The following ASCC3 variants were observed in gnomAD, a reference collection of about 807,000 sequenced individuals.
ASCC3 encodes the protein ASC-1 complex subunit P200.
Under a neutral mutation model 256.3 loss-of-function variants are expected in ASCC3, and 158 were observed. The observed-to-expected ratio is 0.62, with a 90% CI of 0.54 to 0.70. ASCC3 has a LOEUF of 0.70. ASCC3 is among the 30% of genes least tolerant of loss of function. The pLI is 0.00. For synonymous variants in ASCC3, 948 were observed against 883.4 expected (o/e 1.07, Z -1.30); for missense variants, 2,259 against 2,626.0 (o/e 0.86, Z 3.05).
At chr6:100,732,706 A>T (rs1025074083) in intron 10 of ASCC3, among the ~76,000 whole-genome samples, 1 of 152,068 alleles carries the variant, frequency 6.6e-6, no homozygotes, top group Non-Finnish European at 1.5e-5. Flanking sequence ...TTGAGAAAAT[A>T]TAGCAAAACA....
At chr6:100,870,479 T>A (rs1358762826) in intron 1 of ASCC3, among the ~76,000 whole-genome samples, 1 of 152,140 alleles carries the variant, frequency 6.6e-6, no homozygotes, top group African/African-American at 2.4e-5. Flanking sequence ...GGTGACCAAA[T>A]CTGTTTACTG....
At chr6:100,618,418 T>C (rs943726937) in intron 30 of ASCC3, among the ~76,000 whole-genome samples, 2 of 152,110 alleles carry the variant, frequency 1.3e-5, no homozygotes, top group South Asian at 4.2e-4. Context: ...TTCACGAAGA[T>C]TCGTGACAAA....
chr6:100,734,233 T>C (rs969848020), intron 10 of ASCC3, among the ~76,000 whole-genome samples: 8 of 152,182 alleles, frequency 5.3e-5, no homozygotes, highest in Admixed American at 1.3e-4. Flanking sequence ...ATTTGATGCA[T>C]ATGCATATTG....
At chr6:100,708,274 C>T (rs1778696576) in intron 13 of ASCC3, among the ~76,000 whole-genome samples, 1 of 152,052 alleles carries the variant, frequency 6.6e-6, no homozygotes, top group Admixed American at 6.6e-5. Flanking sequence ...GACAATGCTT[C>T]TTTAATTTAT....
rs1305315395 is a variant in ASCC3 at position 100,687,032 on chromosome 6, T to TCA, written c.2152-7281_2152-7280insTG. Among the ~76,000 whole-genome samples the TCA allele has an allele frequency of 3.3e-4, 43 of 132,186 alleles. 1 individual carries two copies. In the East Asian group the frequency reaches 5.8e-3, roughly 18 times the overall value. 86.7% of individuals were successfully genotyped at this position (132,186 alleles called of 152,430 possible). On this transcript the variant is annotated intron_variant, in intron 13 of 41. Transcript: ENST00000369162. The stretch of plus-strand genomic sequence containing the variant: ...TTAAATCTCTCTCTCTCTCTCTCTC[T>TCA]CTCACACACACACACACACACACAC...
rs762648057 is a variant in ASCC3 at position 100,629,194 on chromosome 6, A to G, written c.4209-13T>C. 2 of 1,611,494 alleles carry G rather than the reference A, an allele frequency of 1.2e-6. No homozygotes were observed. The highest frequency in any genetic ancestry group is 2.2e-5 in the South Asian group (2 of 90,762). ...TAGTTCAATAACTCTGGAGGGAAATATAACAATGATCCCAGAAACTTTTCA... is the reference window on the plus strand; with the variant it reads ...TAGTTCAATAACTCTGGAGGGAAATGTAACAATGATCCCAGAAACTTTTCA... On this transcript the variant is annotated splice_polypyrimidine_tract_variant and intron_variant, in intron 26 of 41. Coordinates refer to ENST00000369162, the MANE Select transcript of ASCC3 (RefSeq NM_006828.4).
At chr6:100,517,833 G>A (rs1301121143) in intron 38 of ASCC3, among the ~76,000 whole-genome samples, 158 bp downstream of exon 38, 1 of 152,056 alleles carries the variant, frequency 6.6e-6, no homozygotes, top group African/African-American at 2.4e-5. Context: ...AAACAAGAAT[G>A]TTACGTCACT....
intron 10 of ASCC3, among the ~76,000 whole-genome samples, chr6:100,728,836 C>G (rs1779761405): frequency 6.6e-6 from 1 of 152,114 alleles, no homozygotes; most frequent in Non-Finnish European, 1.5e-5. Context: ...TGATTAATCT[C>G]ATATTCCATG....
Position 100,798,845 on chromosome 6 carries a change from AC to A in ASCC3, c.1270-8del, listed in dbSNP as rs1337220955. 49 of 1,606,482 alleles carry A rather than the reference AC, an allele frequency of 3.1e-5. No homozygotes were observed. The highest frequency in any genetic ancestry group is 4.0e-5 in the African/African-American group (3 of 74,698). On this transcript the variant is annotated splice_region_variant and splice_polypyrimidine_tract_variant and intron_variant, in intron 7 of 41. Transcript: ENST00000369162. Reference sequence around the variant, plus strand: ...TTCCTTCTGGCAAAATCATCTATAAACATCAACAATAAAAATCCAATAATAA... The same window carrying A: ...TTCCTTCTGGCAAAATCATCTATAAAATCAACAATAAAAATCCAATAATAA...
chr6:100,647,188 C>T (rs761411614), intron 21 of ASCC3, 38 bp downstream of exon 21: 126 of 1,532,714 alleles, frequency 8.2e-5, no homozygotes, highest in Non-Finnish European at 1.1e-4. Flanking sequence ...TTTATTTGCA[C>T]AAAACAATAC....
At chr6:100,781,520 A>AC (rs1182892621) in intron 8 of ASCC3, among the ~76,000 whole-genome samples, 6 of 149,414 alleles carry the variant, frequency 4.0e-5, no homozygotes, top group Admixed American at 3.3e-4. Flanking sequence ...AGTAGCTGGG[A>AC]CTACAGGTGG....
chr6:100,777,298 T>C (rs1186352593), intron 8 of ASCC3, among the ~76,000 whole-genome samples: 1 of 152,134 alleles, frequency 6.6e-6, no homozygotes, highest in Admixed American at 6.5e-5. Flanking sequence ...CTTTGGGCTT[T>C]CCTAACAGGA....
At chr6:100,593,545 T>C (rs1554198370) in intron 34 of ASCC3, among the ~76,000 whole-genome samples, 1 of 152,138 alleles carries the variant, frequency 6.6e-6, no homozygotes, top group Non-Finnish European at 1.5e-5. Flanking sequence ...AAAACATAGA[T>C]AAAGTTACAC....
intron 37 of ASCC3, among the ~76,000 whole-genome samples, chr6:100,521,652 G>A (rs1774317241): frequency 6.6e-6 from 1 of 152,190 alleles, no homozygotes; most frequent in Admixed American, 6.5e-5. Context: ...TGTACAAGAT[G>A]GCAGGGAACA....
intron 36 of ASCC3, among the ~76,000 whole-genome samples, chr6:100,577,181 A>G (rs1770915219): frequency 6.6e-6 from 1 of 152,036 alleles, no homozygotes; most frequent in Non-Finnish European, 1.5e-5. Flanking sequence ...TATGACAAGC[A>G]CAATTCCATT....
At chr6:100,544,051 A>G (rs1775589104) in intron 36 of ASCC3, among the ~76,000 whole-genome samples, 1 of 152,130 alleles carries the variant, frequency 6.6e-6, no homozygotes, top group Non-Finnish European at 1.5e-5. Context: ...TTTAGAAACT[A>G]AGTAATACAC....
intron 41 of ASCC3, 91 bp from the exon 42 acceptor site, chr6:100,509,624 G>T (rs1278799213): frequency 6.1e-6 from 8 of 1,305,544 alleles, no homozygotes; most frequent in African/African-American, 3.0e-5. Flanking sequence ...TAGGAGGCTG[G>T]GTGCGGTGGC....
intron 37 of ASCC3, among the ~76,000 whole-genome samples, chr6:100,532,402 ATATAT>A (rs1458875597): frequency 9.3e-4 from 58 of 62,372 alleles, no homozygotes; most frequent in African/African-American, 1.6e-3. Flanking sequence ...ATATATATAT[ATATAT>A]TTTTTTTTTT....
At chr6:100,526,831 G>C (rs376352422) in intron 37 of ASCC3, among the ~76,000 whole-genome samples, 1 of 152,052 alleles carries the variant, frequency 6.6e-6, no homozygotes, top group African/African-American at 2.4e-5. Flanking sequence ...TATGAACTCC[G>C]GGCAGTCTGG....
Sources: allele counts gnomAD v4.1 joint callset (sites outside exome capture counted in the v4.1 genomes callset), GRCh38; gene constraint gnomAD v4.1.1; transcripts MANE v1.5; gene names NCBI Gene and HGNC (gene_info 2026-07-23, HGNC 2026-07-21).